Variants in DKK2 observed in about 807,000 individuals in gnomAD.
The protein encoded by DKK2 is dickkopf-related protein 2.
A neutral mutation model predicts 28.1 loss-of-function variants in DKK2; 11 were observed. The ratio of observed to expected loss-of-function variants is 0.39; its 90% CI spans 0.25 to 0.65. The LOEUF (loss-of-function observed/expected upper bound fraction) is 0.65, where lower values mean the gene tolerates loss of function less well. Ranked by LOEUF, DKK2 falls within the 30% of genes least tolerant of loss-of-function variation. The pLI, the probability that DKK2 is intolerant of heterozygous loss-of-function variation, is 0.47. For missense variants in DKK2, 326 were observed against 335.5 expected, an observed-to-expected ratio of 0.97 and a Z score of 0.22; for synonymous variants, 135 against 126.5, an observed-to-expected ratio of 1.07 and a Z score of -0.45.
At position 106,972,612 on chromosome 4, in the gene DKK2, G is replaced by A. The variant is rs775881227; in HGVS notation, c.223-46663C>T. ...AAATGGGCTTGCAATAAAATTTACC[G>A]GATAGGATATTTATTAATGCAAGGA... On this transcript the variant is annotated intron_variant, in intron 1 of 3. Coordinates refer to ENST00000285311, the MANE Select transcript of DKK2 (RefSeq NM_014421.3). Among the ~76,000 whole-genome samples, 6 of 152,052 alleles carry A rather than the reference G, an allele frequency of 3.9e-5. No individual in the cohort carries two copies. The East Asian group carries it at 5.8e-4, about 15-fold the overall frequency.
intron 1 of DKK2, among the ~76,000 whole-genome samples, chr4:106,949,640 A>G (rs1724829222): frequency 2.0e-5 from 3 of 152,162 alleles, no homozygotes; most frequent in Admixed American, 1.3e-4. Context: ...ATCACTTAAC[A>G]TTTGTGGGCT....
intron 1 of DKK2, among the ~76,000 whole-genome samples, chr4:106,970,029 T>C (rs1466791292): frequency 6.6e-6 from 1 of 152,096 alleles, no homozygotes; most frequent in Non-Finnish European, 1.5e-5. Context: ...TAACACAACA[T>C]GTATTTCAAG....
intron 1 of DKK2, among the ~76,000 whole-genome samples, chr4:107,034,766 C>A (rs189279663): frequency 6.6e-6 from 1 of 152,102 alleles, no homozygotes; most frequent in Non-Finnish European, 1.5e-5. Context: ...GGAAGGAGAC[C>A]CTGAAAAGGA....
intron 1 of DKK2, among the ~76,000 whole-genome samples, chr4:106,926,647 C>G (rs1156296032): frequency 6.6e-6 from 1 of 152,144 alleles, no homozygotes; most frequent in African/African-American, 2.4e-5. Flanking sequence ...AAAGCAGACT[C>G]CTTACAGACC....
intron 1 of DKK2, among the ~76,000 whole-genome samples, chr4:106,941,681 G>T (rs964536836): frequency 1.3e-5 from 2 of 152,044 alleles, no homozygotes; most frequent in African/African-American, 4.8e-5. Flanking sequence ...AGAGAGTTTG[G>T]GCAGCGTCAG....
intron 1 of DKK2, among the ~76,000 whole-genome samples, chr4:107,002,675 G>A (rs1381278952): frequency 1.3e-5 from 2 of 152,134 alleles, no homozygotes; most frequent in African/African-American, 4.8e-5. Flanking sequence ...ATGAGAAACT[G>A]AAAATAAATG....
intron 1 of DKK2, among the ~76,000 whole-genome samples, chr4:107,027,783 G>C (rs934921025): frequency 7.9e-6 from 1 of 127,020 alleles, no homozygotes; most frequent in African/African-American, 3.1e-5. Flanking sequence ...ACAGAGTCTC[G>C]CTCTGTCGCC....
At chr4:106,985,811 G>A (rs181986084) in intron 1 of DKK2, among the ~76,000 whole-genome samples, 20 of 125,654 alleles carry the variant, frequency 1.6e-4, no homozygotes, top group African/African-American at 5.0e-4. Context: ...GCGAGACTCC[G>A]TCTCAAAAAA....
chr4:106,975,296 G>A (rs1439524793), intron 1 of DKK2, among the ~76,000 whole-genome samples: 2 of 152,096 alleles, frequency 1.3e-5, no homozygotes, highest in Non-Finnish European at 1.5e-5. Context: ...TGTATTATTT[G>A]GAGTAGTTTC....
intron 2 of DKK2, among the ~76,000 whole-genome samples, chr4:106,925,279 G>A (rs562136966): frequency 7.9e-5 from 12 of 152,148 alleles, no homozygotes; most frequent in Non-Finnish European, 1.8e-4. Context: ...CATCTTGTCT[G>A]TGATCCATTT....
intron 1 of DKK2, among the ~76,000 whole-genome samples, chr4:106,933,127 A>T (rs899288519): frequency 2.6e-5 from 4 of 152,196 alleles, no homozygotes; most frequent in African/African-American, 9.6e-5. Context: ...GATGGGGTCC[A>T]GGAATCTGTA....
chr4:106,986,127 T>C (rs917845286), intron 1 of DKK2, among the ~76,000 whole-genome samples: 1 of 152,180 alleles, frequency 6.6e-6, no homozygotes, highest in Non-Finnish European at 1.5e-5. Flanking sequence ...GGCACAATTT[T>C]AAATTTCCTT....
chr4:106,940,787 G>T (rs1173188672), intron 1 of DKK2, among the ~76,000 whole-genome samples: 11 of 152,118 alleles, frequency 7.2e-5, no homozygotes, highest in Admixed American at 5.2e-4. Context: ...CCATAAAAAA[G>T]GATGGGTTCA....
chr4:106,941,423 T>G (rs1560576488), intron 1 of DKK2, among the ~76,000 whole-genome samples: 1 of 152,176 alleles, frequency 6.6e-6, no homozygotes, highest in Non-Finnish European at 1.5e-5. Context: ...ATCAGTTCTT[T>G]TACTATCTGT....
At chr4:106,959,480 G>T (rs1722654633) in intron 1 of DKK2, among the ~76,000 whole-genome samples, 1 of 151,732 alleles carries the variant, frequency 6.6e-6, no homozygotes, top group Admixed American at 6.6e-5. Flanking sequence ...CCAAAAATAG[G>T]CATGATTCTT....
Position 106,954,947 on chromosome 4 carries a change from A to G in DKK2, c.223-28998T>C, listed in dbSNP as rs113052317. Among the ~76,000 whole-genome samples, 6 of 152,354 alleles carry G rather than the reference A, an allele frequency of 3.9e-5. 1 individual carries two copies. The highest frequency in any genetic ancestry group is 1.4e-4 in the African/African-American group (6 of 41,588). ...ACTGGAATGGAAACATTTCTGAATA[A>G]TGTACAGGGGTTGCCCCATTGTGGA... On this transcript the variant is annotated intron_variant, in intron 1 of 3. Transcript: ENST00000285311.
At chr4:107,005,080 C>T (rs1264129489) in intron 1 of DKK2, among the ~76,000 whole-genome samples, 3 of 152,100 alleles carry the variant, frequency 2.0e-5, no homozygotes, top group Non-Finnish European at 1.5e-5. Flanking sequence ...CGGTGGCTCA[C>T]GTCTGTAATC....
At chr4:107,009,158 A>G (rs1457285839) in intron 1 of DKK2, among the ~76,000 whole-genome samples, 1 of 151,976 alleles carries the variant, frequency 6.6e-6, no homozygotes, top group Non-Finnish European at 1.5e-5. Flanking sequence ...ATTACCTACT[A>G]AAGGATCAGT....
intron 1 of DKK2, among the ~76,000 whole-genome samples, chr4:106,956,544 C>T (rs1477765950): frequency 1.3e-5 from 2 of 152,064 alleles, no homozygotes; most frequent in African/African-American, 2.4e-5. Flanking sequence ...GTATTGTTAC[C>T]AAAACGGAGA....
Sources: allele counts gnomAD v4.1 joint callset (sites outside exome capture counted in the v4.1 genomes callset), GRCh38; gene constraint gnomAD v4.1.1; transcripts MANE v1.5; gene names NCBI Gene and HGNC (gene_info 2026-07-23, HGNC 2026-07-21).